Variants in HIVEP1 observed in about 807,000 individuals in gnomAD.
HIVEP1 encodes the protein zinc finger protein 40.
A neutral mutation model predicts 180.0 loss-of-function variants in HIVEP1; 36 were observed. That is an observed-to-expected ratio of 0.20 (90% CI 0.15 to 0.26). HIVEP1 has a LOEUF of 0.26. HIVEP1 is among the 10% of genes least tolerant of loss of function. The probability of loss-of-function intolerance (pLI) is 1.00; values close to 1 mark genes in which losing one functional copy is unlikely to be tolerated. For missense variants in HIVEP1, 3,143 were observed against 3,268.7 expected (o/e 0.96, Z 0.94); for synonymous variants, 1,239 against 1,239.0 (o/e 1.00, Z 0.00).
chr6:12,017,987 G>A (rs887967618), intron 2 of HIVEP1, among the ~76,000 whole-genome samples: 3 of 152,242 alleles, frequency 2.0e-5, no homozygotes, highest in Non-Finnish European at 4.4e-5. Context: ...CGCTCATCGG[G>A]GAGGCTGGGG....
intron 3 of HIVEP1, among the ~76,000 whole-genome samples, chr6:12,108,437 G>C (rs924007150): frequency 2.6e-5 from 4 of 152,244 alleles, no homozygotes; most frequent in African/African-American, 9.6e-5. Context: ...CATGGAGCAG[G>C]GGGCGGCGCT....
At chr6:12,175,455 A>G in the HIVEP1 span, among the ~76,000 whole-genome samples, 1 of 152,226 alleles carries the variant, frequency 6.6e-6, no homozygotes, top group African/African-American at 2.4e-5. Context: ...ATCCAAATAA[A>G]TGTTAGCACT....
In HIVEP1 at chr6:12,013,423, T is replaced by C. The variant is rs560141142; in HGVS notation, c.-104+857T>C. The stretch of plus-strand genomic sequence containing the variant: ...TCCTAGTCGCTACAATGCTGCTGTC[T>C]TTGGAAATACCCACTTCCCCCCACA... On this transcript the variant is annotated intron_variant, in intron 1 of 8. Transcript: ENST00000379388. Among the ~76,000 whole-genome samples, 7 of 152,322 alleles carry C rather than the reference T, an allele frequency of 4.6e-5. 1 individual carries two copies. In the South Asian group the frequency reaches 1.4e-3, roughly 32 times the overall value.
intron 6 of HIVEP1, 53 bp downstream of exon 6, chr6:12,130,995 A>G: frequency 7.5e-7 from 1 of 1,333,078 alleles, no homozygotes; most frequent in Non-Finnish European, 1.0e-6. Context: ...TAGGTGGGAA[A>G]GCTAAAACCC....
chr6:12,156,916 A>G (rs1273572598), intron 7 of HIVEP1, among the ~76,000 whole-genome samples: 1 of 152,106 alleles, frequency 6.6e-6, no homozygotes, highest in Non-Finnish European at 1.5e-5. Context: ...GTGTCCCATT[A>G]ATTACCGAGA....
chr6:12,020,329 G>C (rs1306589934), intron 2 of HIVEP1: 2 of 471,094 alleles, frequency 4.2e-6, no homozygotes, highest in African/African-American at 2.0e-5. Context: ...AGCAGCACTT[G>C]GTGTTCAGAA....
At chr6:12,196,309 A>C in the HIVEP1 span, among the ~76,000 whole-genome samples, 1 of 152,338 alleles carries the variant, frequency 6.6e-6, no homozygotes, top group East Asian at 1.9e-4. Flanking sequence ...AATTCCAATA[A>C]GAGGTATGTT....
chr6:12,211,916 AT>A, the HIVEP1 span, among the ~76,000 whole-genome samples: 2 of 151,904 alleles, frequency 1.3e-5, no homozygotes, highest in Non-Finnish European at 2.9e-5. Flanking sequence ...CCTAAAAAAA[AT>A]TTTTTTTAAA....
the HIVEP1 span, among the ~76,000 whole-genome samples, chr6:12,202,749 C>T: frequency 6.6e-5 from 10 of 152,266 alleles, no homozygotes; most frequent in Admixed American, 2.0e-4. Context: ...CCCACCCACC[C>T]CCTACCTCAA....
intron 2 of HIVEP1, among the ~76,000 whole-genome samples, chr6:12,088,824 A>G (rs931353771): frequency 2.0e-5 from 3 of 152,096 alleles, no homozygotes; most frequent in East Asian, 1.9e-4. Flanking sequence ...GCTAGTAAGC[A>G]TTTGTTATAT....
the HIVEP1 span, among the ~76,000 whole-genome samples, chr6:12,194,711 A>C: frequency 6.6e-6 from 1 of 152,202 alleles, no homozygotes; most frequent in Non-Finnish European, 1.5e-5. Flanking sequence ...CTGAGGTGGG[A>C]GAATCACTTG....
chr6:12,061,619 G>A (rs1280740936), intron 2 of HIVEP1, among the ~76,000 whole-genome samples: 83 of 152,220 alleles, frequency 5.5e-4, no homozygotes, highest in African/African-American at 1.9e-3. Context: ...TTTGATCATT[G>A]TTATAGTATA....
At chr6:12,200,682 G>A in the HIVEP1 span, among the ~76,000 whole-genome samples, 1 of 152,214 alleles carries the variant, frequency 6.6e-6, no homozygotes, top group Non-Finnish European at 1.5e-5. Flanking sequence ...CCAGAGATAT[G>A]CTTCTTAGAC....
chr6:12,096,045 T>A (rs1462680115), intron 3 of HIVEP1, among the ~76,000 whole-genome samples: 3 of 146,624 alleles, frequency 2.0e-5, no homozygotes, highest in African/African-American at 8.2e-5. Flanking sequence ...TGCATTATGA[T>A]TTTTTTTTAA....
At chr6:12,168,208 A>ATG (rs1287903607), downstream of HIVEP1, among the ~76,000 whole-genome samples, 32 of 96,744 alleles carry the variant, frequency 3.3e-4, no homozygotes, top group South Asian at 1.6e-3. Context: ...ATATACATAT[A>ATG]TACATATATA....
intron 2 of HIVEP1, among the ~76,000 whole-genome samples, chr6:12,021,118 T>C (rs1383498047): frequency 1.3e-5 from 2 of 152,016 alleles, no homozygotes; most frequent in African/African-American, 4.8e-5. Flanking sequence ...GTCTCAAAAC[T>C]TCTAACCTCA....
chr6:12,047,643 T>C (rs1038464593), intron 2 of HIVEP1, among the ~76,000 whole-genome samples: 1 of 152,230 alleles, frequency 6.6e-6, no homozygotes, highest in Admixed American at 6.5e-5. Context: ...CACTGCTGAT[T>C]GCTGTTAAGA....
At chr6:12,130,268 A>G (rs536376993) in intron 5 of HIVEP1, among the ~76,000 whole-genome samples, 1 of 152,074 alleles carries the variant, frequency 6.6e-6, no homozygotes, top group East Asian at 1.9e-4. Flanking sequence ...AAAGCCAATT[A>G]TAGTTATAGT....
intron 3 of HIVEP1, among the ~76,000 whole-genome samples, chr6:12,113,946 TTTAA>T (rs1205507520): frequency 3.3e-5 from 5 of 152,268 alleles, no homozygotes; most frequent in African/African-American, 9.6e-5. Flanking sequence ...GTTTAATTTG[TTTAA>T]TTAATTTTTA....
Sources: gnomAD v4.1 joint callset for allele counts (sites outside exome capture counted in the v4.1 genomes callset) on GRCh38, gnomAD v4.1.1 for gene constraint, MANE v1.5 for transcripts, NCBI Gene and HGNC (gene_info 2026-07-23, HGNC 2026-07-21) for gene names.